Variants in TAF4 observed in about 807,000 individuals in gnomAD.
TAF4 encodes TATA-box binding protein associated factor 4.
In TAF4, 9 loss-of-function variants were observed where a neutral mutation model predicts 90.3. That is an observed-to-expected ratio of 0.10 (90% CI 0.06 to 0.17). TAF4 has a LOEUF of 0.17. Among genes scored for constraint, TAF4 ranks in the 10% least tolerant of loss-of-function variants. The probability of loss-of-function intolerance (pLI) is 1.00; values close to 1 mark genes in which losing one functional copy is unlikely to be tolerated. For missense variants in TAF4, 1,351 were observed against 1,370.7 expected (o/e 0.99, Z 0.23); for synonymous variants, 818 against 638.9 (o/e 1.28, Z -4.23).
At chr20:62,024,357 G>C (rs1043637364) in intron 1 of TAF4, among the ~76,000 whole-genome samples, 3 of 152,160 alleles carry the variant, frequency 2.0e-5, no homozygotes, top group Admixed American at 2.0e-4. Context: ...TCTGACCCAG[G>C]GTTAGGCAAA....
chr20:61,986,525 C>A (rs991775520), intron 14 of TAF4, among the ~76,000 whole-genome samples: 1 of 152,154 alleles, frequency 6.6e-6, no homozygotes, highest in Non-Finnish European at 1.5e-5. Flanking sequence ...GAAACACCAT[C>A]CCCCATCAAA....
intron 14 of TAF4, chr20:61,979,178 T>A (rs972541681): frequency 6.5e-6 from 1 of 153,258 alleles, no homozygotes; most frequent in African/African-American, 2.4e-5. Flanking sequence ...ACCAAGGCCT[T>A]CTGTGCCCAA....
intron 1 of TAF4, among the ~76,000 whole-genome samples, chr20:62,034,422 C>G (rs1282398042): frequency 1.3e-5 from 2 of 152,180 alleles, no homozygotes; most frequent in Non-Finnish European, 2.9e-5. Context: ...CTCCTGGGCT[C>G]AAGCGATCCT....
At position 62,014,597 on chromosome 20, in the gene TAF4, G is replaced by A. The variant is rs1368383355; in HGVS notation, c.1471C>T (p.Arg491Cys). Residue 491 changes from arginine to cysteine, a missense_variant, in exon 2 of 15, where the codon CGC (arginine) becomes TGC (cysteine). Physicochemically the swap from Arg to Cys is radical, Grantham distance 180 (BLOSUM62 -3). Coordinates refer to ENST00000252996, the MANE Select transcript of TAF4 (RefSeq NM_003185.4). ...GGGGCACTTGTGGGGGTGGCAGGGCGAGGCGCCATGGTGGTCTGAGGCTGG... is the reference window on the plus strand; with the variant it reads ...GGGGCACTTGTGGGGGTGGCAGGGCAAGGCGCCATGGTGGTCTGAGGCTGG... Reference protein sequence around the residue: ...HAQPQTTMAPRPATPTSAPPV... With the variant: ...HAQPQTTMAPCPATPTSAPPV... 1.9e-6 allele frequency: 3 copies of A among 1,613,938 alleles called. No homozygotes were observed. Among genetic ancestry groups the A allele is most frequent in the Middle Eastern group, 1.7e-4 (1 of 6,058 alleles).
chr20:62,043,168 T>G (rs900809826), intron 1 of TAF4, among the ~76,000 whole-genome samples: 3 of 151,962 alleles, frequency 2.0e-5, no homozygotes, highest in African/African-American at 7.2e-5. Context: ...ATACAAAAAT[T>G]AGCCCGGCAT....
chr20:62,061,553 A>G (rs1164568611), intron 1 of TAF4, among the ~76,000 whole-genome samples: 1 of 152,238 alleles, frequency 6.6e-6, no homozygotes, highest in African/African-American at 2.4e-5. Context: ...TAACCTTTAG[A>G]AATGAGCTTC....
At chr20:62,025,757 GACT>G (rs1375290687) in intron 1 of TAF4, among the ~76,000 whole-genome samples, 1 of 152,158 alleles carries the variant, frequency 6.6e-6, no homozygotes, top group East Asian at 1.9e-4. Flanking sequence ...TGTAAGAACA[GACT>G]ACTACGCTGT....
intron 1 of TAF4, among the ~76,000 whole-genome samples, chr20:62,017,244 G>C (rs1452620230): frequency 6.6e-6 from 1 of 152,164 alleles, no homozygotes; most frequent in African/African-American, 2.4e-5. Flanking sequence ...GGACAAAGGA[G>C]GCTTCAGTGT....
intron 1 of TAF4, chr20:62,037,680 G>A (rs2145499264): frequency 5.1e-6 from 1 of 196,454 alleles, no homozygotes; most frequent in South Asian, 1.0e-4. Context: ...TTAATTGTGT[G>A]CAGCAAAAAT....
intron 1 of TAF4, among the ~76,000 whole-genome samples, chr20:62,061,215 T>G (rs1055795711): frequency 6.6e-6 from 1 of 152,236 alleles, no homozygotes; most frequent in Non-Finnish European, 1.5e-5. Flanking sequence ...CCACCCAGCA[T>G]GGGCCTGGAC....
intron 1 of TAF4, among the ~76,000 whole-genome samples, chr20:62,060,676 C>T (rs2056084539): frequency 6.6e-6 from 1 of 152,222 alleles, no homozygotes; most frequent in African/African-American, 2.4e-5. Flanking sequence ...TCACTCCTAC[C>T]TGAGTATGTC....
Position 62,029,486 on chromosome 20 carries a change from G to GCGCA in TAF4, c.1361-14780_1361-14779insTGCG, listed in dbSNP as rs148456376. ...GCCCAGTGCCCACGTGCGCGCGCGC[G>GCGCA]CACACACACACACACACACACTCAT... On this transcript the variant is annotated intron_variant, in intron 1 of 14. Transcript: ENST00000252996. Among the ~76,000 whole-genome samples, 930 of 146,176 alleles carry GCGCA rather than the reference G, an allele frequency of 6.4e-3. 33 individuals carry two copies. In the East Asian group the frequency reaches 0.099, roughly 15 times the overall value.
intron 14 of TAF4, among the ~76,000 whole-genome samples, chr20:61,979,473 A>T (rs1438268449): frequency 3.4e-5 from 5 of 145,114 alleles, no homozygotes; most frequent in African/African-American, 5.2e-5. Flanking sequence ...CGCCATGGCC[A>T]CTCCAGAGGG....
intron 3 of TAF4, among the ~76,000 whole-genome samples, chr20:62,011,597 C>A (rs2055778030): frequency 6.6e-6 from 1 of 152,204 alleles, no homozygotes; most frequent in Admixed American, 6.5e-5. Context: ...CCCTTCCACC[C>A]ACTTTCACCC....
intron 1 of TAF4, among the ~76,000 whole-genome samples, chr20:62,019,231 G>A (rs1194130456): frequency 6.6e-6 from 1 of 152,210 alleles, no homozygotes; most frequent in Non-Finnish European, 1.5e-5. Context: ...TCTCCTGGCT[G>A]GCACAGCTCA....
intron 1 of TAF4, among the ~76,000 whole-genome samples, chr20:62,059,783 G>T (rs969790583): frequency 6.6e-6 from 1 of 152,176 alleles, no homozygotes; most frequent in Non-Finnish European, 1.5e-5. Flanking sequence ...AGCACTTCGG[G>T]AACCCTGCAA....
At chr20:62,059,192 A>T (rs918184479) in intron 1 of TAF4, among the ~76,000 whole-genome samples, 1 of 152,234 alleles carries the variant, frequency 6.6e-6, no homozygotes, top group Non-Finnish European at 1.5e-5. Flanking sequence ...GGCCTGCTCC[A>T]GGCAGAAGGC....
chr20:62,041,776 A>G (rs2055965083), intron 1 of TAF4, among the ~76,000 whole-genome samples: 1 of 151,954 alleles, frequency 6.6e-6, no homozygotes. Context: ...CTAAAAAAAA[A>G]AAAAATTGAA....
chr20:61,991,610 CA>C (rs896446422), intron 14 of TAF4, among the ~76,000 whole-genome samples: 1 of 147,070 alleles, frequency 6.8e-6, no homozygotes, highest in African/African-American at 2.5e-5. Context: ...AACCAAAAAA[CA>C]AAAAAAAAGA....
Sources: gnomAD v4.1 joint callset for allele counts (sites outside exome capture counted in the v4.1 genomes callset) on GRCh38, gnomAD v4.1.1 for gene constraint, MANE v1.5 for transcripts, NCBI Gene and HGNC (gene_info 2026-07-23, HGNC 2026-07-21) for gene names.